Variants in PPP2R2D observed in about 807,000 individuals in gnomAD.
PPP2R2D encodes the protein protein phosphatase 2 regulatory subunit Bdelta.
PPP2R2D carries 9 observed loss-of-function variants against 31.1 expected under a neutral mutation model. That is an observed-to-expected ratio of 0.29 (90% CI 0.17 to 0.51). The LOEUF is 0.51. Ranked by LOEUF, PPP2R2D falls within the 20% of genes least tolerant of loss-of-function variation. PPP2R2D has a pLI of 0.98. For missense variants in PPP2R2D, 391 were observed against 465.6 expected (o/e 0.84, Z 1.48); for synonymous variants, 179 against 172.6 (o/e 1.04, Z -0.29).
rs902004487 is a variant in PPP2R2D at position 131,957,049 on chromosome 10, T to G, written c.*1086T>G. On this transcript the variant is annotated 3_prime_UTR_variant, in exon 9 of 9. Transcript: ENST00000455566. The stretch of plus-strand genomic sequence containing the variant: ...AAAGTAGGATCTTTGATACCAGAAA[T>G]CAAGATTTTCCAAGACAAATAATAC... 5.5e-4 allele frequency: 83 copies of G among 152,264 alleles called. No homozygotes were observed. Among genetic ancestry groups the G allele is most frequent in the African/African-American group, 2.0e-3 (82 of 41,442 alleles). The allele number at this position is 152,264 out of a possible 1,614,324, so 9.4% of individuals were successfully genotyped here.
chr10:131,943,960 A>G lies in PPP2R2D; in HGVS notation c.478-8A>G, dbSNP rs567589818. On this transcript the variant is annotated splice_region_variant and splice_polypyrimidine_tract_variant and intron_variant, in intron 5 of 8. Coordinates refer to ENST00000455566, the MANE Select transcript of PPP2R2D (RefSeq NM_018461.5). ...TTGTTTTGAATTCCTATTTCCTTCCATTTTTAGGTCCCAATATTGAAGCCC... is the reference window on the plus strand; with the variant it reads ...TTGTTTTGAATTCCTATTTCCTTCCGTTTTTAGGTCCCAATATTGAAGCCC... The G allele has an allele frequency of 3.6e-5, 30 of 836,536 alleles. No homozygotes were observed. In the South Asian group the frequency reaches 4.1e-4, roughly 11 times the overall value. 51.8% of individuals were successfully genotyped at this position (836,536 alleles called of 1,614,324 possible).
chr10:131,904,488 C>T (rs1013136084), intron 2 of PPP2R2D, among the ~76,000 whole-genome samples: 27 of 151,608 alleles, frequency 1.8e-4, no homozygotes, highest in Admixed American at 3.9e-4. Flanking sequence ...CCAGCCTGGG[C>T]GACAGAGCAA....
chr10:131,922,699 G>A (rs1427231151), intron 2 of PPP2R2D, among the ~76,000 whole-genome samples: 1 of 151,996 alleles, frequency 6.6e-6, no homozygotes, highest in Non-Finnish European at 1.5e-5. Context: ...GCCTGCCTCG[G>A]CCTCTCAAAG....
At chr10:131,925,807 T>C (rs2036093952) in intron 2 of PPP2R2D, among the ~76,000 whole-genome samples, 2 of 152,154 alleles carry the variant, frequency 1.3e-5, no homozygotes, top group African/African-American at 4.8e-5. Context: ...TCAGCAAAGA[T>C]AGGGATTCTC....
At chr10:131,923,327 G>T (rs558486994) in intron 2 of PPP2R2D, among the ~76,000 whole-genome samples, 1 of 152,022 alleles carries the variant, frequency 6.6e-6, no homozygotes, top group Non-Finnish European at 1.5e-5. Context: ...CTCCTTTCCT[G>T]GTCAAACAGT....
At chr10:131,920,055 G>T (rs2035943751) in intron 2 of PPP2R2D, among the ~76,000 whole-genome samples, 1 of 151,784 alleles carries the variant, frequency 6.6e-6, no homozygotes, top group African/African-American at 2.4e-5. Flanking sequence ...CCTCAGGCGG[G>T]TGGAATGACA....
intron 2 of PPP2R2D, among the ~76,000 whole-genome samples, chr10:131,930,580 A>G (rs2036203010): frequency 6.6e-6 from 1 of 152,210 alleles, no homozygotes. Context: ...GTTTTCTCCC[A>G]GAATTTTGAG....
rs782763086 is a variant in PPP2R2D, at chr10:131,947,853, C to T, written c.1082+62C>T. ...TTGCTGGTTTCCGAGAGTGCAAGGTCAGTGAGGGAGGCGAGCTGTCCTCCA... is the reference window on the plus strand; with the variant it reads ...TTGCTGGTTTCCGAGAGTGCAAGGTTAGTGAGGGAGGCGAGCTGTCCTCCA... On this transcript the variant is annotated intron_variant, in intron 8 of 8. Transcript: ENST00000455566. This position sits in a 1 kb window ranked among gnomAD's most constrained non-coding sequence, Gnocchi z 4.3. The T allele has an allele frequency of 1.3e-6, 2 of 1,582,830 alleles. No individual in the cohort carries two copies. The highest frequency in any genetic ancestry group is 1.7e-6 in the Non-Finnish European group (2 of 1,160,028).
At chr10:131,970,823 T>C in the PPP2R2D span, 2 of 1,614,250 alleles carry the variant, frequency 1.2e-6, no homozygotes, top group East Asian at 2.2e-5. This position sits in a 1 kb window ranked among gnomAD's most constrained non-coding sequence, Gnocchi z 4.1. Context: ...TGATGTGTCC[T>C]CTGTCAAGGG....
chr10:131,939,989 C>T (rs555342965), intron 3 of PPP2R2D, 42 bp from the exon 4 acceptor site: 11 of 571,882 alleles, frequency 1.9e-5, no homozygotes, highest in African/African-American at 1.7e-4. Context: ...TTTCTCTACA[C>T]TGTGCTTTGT....
chr10:131,967,381 C>T, the PPP2R2D span: 9 of 152,200 alleles, frequency 5.9e-5, no homozygotes, highest in Admixed American at 3.3e-4. Flanking sequence ...CATCGTGCTT[C>T]GATGATCTCA....
At chr10:131,938,350 C>T (rs2119822601) in intron 3 of PPP2R2D, among the ~76,000 whole-genome samples, 1 of 152,282 alleles carries the variant, frequency 6.6e-6, no homozygotes, top group South Asian at 2.1e-4. Flanking sequence ...GTACTGGCGT[C>T]CTTGATTTTG....
intron 2 of PPP2R2D, among the ~76,000 whole-genome samples, chr10:131,905,215 G>T (rs1382276406): frequency 6.6e-6 from 1 of 152,178 alleles, no homozygotes; most frequent in Non-Finnish European, 1.5e-5. Context: ...TTTATATGCT[G>T]AGTTGACCAA....
intron 2 of PPP2R2D, chr10:131,912,074 T>A (rs2119744881): frequency 6.6e-6 from 1 of 152,360 alleles, no homozygotes; most frequent in Non-Finnish European, 1.5e-5. Context: ...ATTTATATTT[T>A]AAAACCTAGT....
rs1223180482 is a variant in PPP2R2D at position 131,950,426 on chromosome 10, T to C, written c.1082+2635T>C. On this transcript the variant is annotated intron_variant, in intron 8 of 8. Transcript: ENST00000455566. ...CCAAGGAAAAAACGCAAATTACCTC[T>C]GAGAGCGGACACCGAGACTGAGACT... Among the ~76,000 whole-genome samples, 9 of 151,810 alleles carry C rather than the reference T, an allele frequency of 5.9e-5. No individual in the cohort carries two copies. The East Asian group carries it at 1.7e-3, about 29-fold the overall frequency.
chr10:131,907,800 C>A (rs973847496), intron 2 of PPP2R2D, among the ~76,000 whole-genome samples: 14 of 151,726 alleles, frequency 9.2e-5, no homozygotes, highest in African/African-American at 3.1e-4. Flanking sequence ...CACATCTTAA[C>A]GCTCAGGAGG....
chr10:131,926,047 C>T (rs1330615363), intron 2 of PPP2R2D, among the ~76,000 whole-genome samples: 2 of 152,212 alleles, frequency 1.3e-5, no homozygotes, highest in Admixed American at 1.3e-4. Flanking sequence ...TTCCCCCACC[C>T]CATGCACAAT....
At chr10:131,965,676 G>A in the PPP2R2D span, among the ~76,000 whole-genome samples, 1 of 152,240 alleles carries the variant, frequency 6.6e-6, no homozygotes, top group Admixed American at 6.5e-5. Flanking sequence ...GAACTCCTGA[G>A]CCCAGGCAAT....
intron 2 of PPP2R2D, among the ~76,000 whole-genome samples, chr10:131,913,547 T>C: frequency 6.6e-6 from 1 of 151,942 alleles, no homozygotes; most frequent in South Asian, 2.1e-4. Flanking sequence ...AGTAATGGGG[T>C]GGAAGAGGAA....
Sources: gnomAD v4.1 joint callset for allele counts (sites outside exome capture counted in the v4.1 genomes callset) on GRCh38, gnomAD v4.1.1 for gene constraint, Gnocchi (gnomAD v3.1) non-coding constraint, MANE v1.5 for transcripts, NCBI Gene and HGNC (gene_info 2026-07-23, HGNC 2026-07-21) for gene names.